REN: variants seen among roughly 807,000 people sequenced by gnomAD.
REN encodes angiotensin-forming enzyme.
REN carries 42 observed loss-of-function variants against 48.6 expected under a neutral mutation model. That is an observed-to-expected ratio of 0.86 (90% confidence interval 0.68 to 1.12). REN has a LOEUF of 1.12. Among genes scored for constraint, REN ranks in the 50% most tolerant of loss-of-function variants. The probability of loss-of-function intolerance (pLI) is 0.00; values close to 1 mark genes in which losing one functional copy is unlikely to be tolerated. For missense variants in REN, 443 were observed against 527.3 expected, an observed-to-expected ratio of 0.84 and a Z score of 1.57; for synonymous variants, 196 against 204.6, an observed-to-expected ratio of 0.96 and a Z score of 0.36.
At position 204,159,584 on chromosome 1, in the gene REN, G is replaced by T. The variant is rs564661194; in HGVS notation, c.504C>A (p.Ile168=). 2 of 1,614,170 alleles carry T rather than the reference G, an allele frequency of 1.2e-6. No homozygotes were observed. The highest frequency in any genetic ancestry group is 2.2e-5 in the East Asian group (1 of 44,874). ...LSQDIITVGG[I]TVTQMFGEVT... ...CCTCTCCAAACATCTGTGTCACCGT[G>T]ATTCCACCCACCTGTGGGAGGAAGG... The change falls in exon 5 of 10, where the codon ATC becomes ATA. Residue 168 remains isoleucine, a synonymous_variant. Coordinates refer to ENST00000272190, the MANE Select transcript of REN (RefSeq NM_000537.4).
chr1:204,164,565 CTTTTTTT>C (rs748060874), intron 1 of REN, among the ~76,000 whole-genome samples: 23 of 93,694 alleles, frequency 2.5e-4, no homozygotes, highest in East Asian at 1.1e-3. Context: ...CTTCTTCAGT[CTTTTTTT>C]TTTTTTTTTT....
At position 204,161,400 on chromosome 1, in the gene REN, C is replaced by T. The variant is rs201438857; in HGVS notation, c.265G>A (p.Glu89Lys). 20 of 1,588,658 alleles carry T rather than the reference C, an allele frequency of 1.3e-5. No homozygotes were observed. Among genetic ancestry groups the T allele is most frequent in the Middle Eastern group, 3.3e-4 (2 of 5,990 alleles). ...TNYMDTQYYGEIGIGTPPQTF... is the reference protein window; with the variant it reads ...TNYMDTQYYGKIGIGTPPQTF... ...TGGGGTGGGGTGCCGATGCCAATCT[C>T]GCCATAGTACTGGGTCTGTGGGGGT... The change falls in exon 3 of 10, where the codon GAG becomes AAG. Residue 89 changes from glutamate (E) to lysine (K), a missense_variant. By Grantham distance (56) the Glu-to-Lys change is moderately conservative. Coordinates refer to ENST00000272190, the MANE Select transcript of REN (RefSeq NM_000537.4).
intron 2 of REN, 31 bp downstream of exon 2, chr1:204,161,982 G>A (rs144900453): frequency 3.1e-6 from 5 of 1,612,856 alleles, no homozygotes; most frequent in Admixed American, 3.3e-5. Context: ...AGGAGACAGG[G>A]AGGGAGCGAG....
chr1:204,160,124 C>T (rs1658216762), intron 4 of REN, among the ~76,000 whole-genome samples: 1 of 152,186 alleles, frequency 6.6e-6, no homozygotes, highest in Admixed American at 6.5e-5. Flanking sequence ...ACATGGGCCA[C>T]ATGGAAAAGA....
At chr1:204,162,302 T>A (rs1437396673) in intron 1 of REN, 139 bp from the exon 2 acceptor site, 1 of 872,988 alleles carries the variant, frequency 1.1e-6, no homozygotes, top group Non-Finnish European at 1.8e-6. Context: ...CCTCTGTCGC[T>A]GAGGGCCTCT....
Position 204,155,182 on chromosome 1 carries a change from C to A in REN, c.1060-5G>T. On this transcript the variant is annotated splice_polypyrimidine_tract_variant and splice_region_variant and intron_variant, in intron 9 of 9. Transcript: ENST00000272190. ...CTTTTTACTACTGTAGGATTCCTGG[C>A]AGGAAGGGGGAGAGTTTCTCCATAC... 6.2e-7 allele frequency: 1 copy of A among 1,614,022 alleles called. No homozygotes were observed. The highest frequency in any genetic ancestry group is 1.3e-5 in the African/African-American group (1 of 75,040).
chr1:204,161,110 G>A (rs1156507650), intron 3 of REN, among the ~76,000 whole-genome samples, 182 bp downstream of exon 3: 2 of 151,986 alleles, frequency 1.3e-5, no homozygotes, highest in Admixed American at 1.3e-4. Context: ...TTTAACCTTG[G>A]TGGCTGTATC....
intron 1 of REN, among the ~76,000 whole-genome samples, chr1:204,165,731 A>G (rs1380835622): frequency 6.6e-6 from 1 of 152,048 alleles, no homozygotes; most frequent in Non-Finnish European, 1.5e-5. Context: ...GCTGGGGATT[A>G]CAAGTGCCTG....
intron 1 of REN, among the ~76,000 whole-genome samples, chr1:204,162,993 AC>A (rs1658276600): frequency 6.6e-6 from 1 of 152,362 alleles, no homozygotes; most frequent in East Asian, 1.9e-4. Flanking sequence ...GCTCACAGGG[AC>A]AAAGGTGACT....
intron 3 of REN, among the ~76,000 whole-genome samples, chr1:204,161,013 G>T (rs891948002): frequency 6.6e-6 from 1 of 152,218 alleles, no homozygotes; most frequent in Non-Finnish European, 1.5e-5. Context: ...GCCTGGGATG[G>T]GTTTGAGAAT....
Position 204,162,176 on chromosome 1 carries a change from G to A in REN, c.99-13C>T, listed in dbSNP as rs773456942. 4.0e-5 allele frequency: 65 copies of A among 1,613,806 alleles called. No individual in the cohort carries two copies. Among genetic ancestry groups the A allele is most frequent in the Non-Finnish European group, 5.3e-5 (63 of 1,179,954 alleles). On this transcript the variant is annotated splice_polypyrimidine_tract_variant and intron_variant, in intron 1 of 9. Coordinates refer to ENST00000272190, the MANE Select transcript of REN (RefSeq NM_000537.4). ...CTTGAGGAAGATCCTGGCCCAGGGTGGAGGAAGCAAAAATAGAAAAGTGCT... is the reference window on the plus strand; with the variant it reads ...CTTGAGGAAGATCCTGGCCCAGGGTAGAGGAAGCAAAAATAGAAAAGTGCT...
chr1:204,159,570 ATC>A lies in REN; in HGVS notation c.516_517del (p.Gln172HisfsTer19), dbSNP rs768486255. The A allele has an allele frequency of 8.1e-6, 13 of 1,614,026 alleles. No homozygotes were observed. Among genetic ancestry groups the A allele is most frequent in the African/African-American group, 1.3e-5 (1 of 74,900 alleles). On this transcript the variant is annotated frameshift_variant, in exon 5 of 10. Coordinates refer to ENST00000272190, the MANE Select transcript of REN (RefSeq NM_000537.4). LOFTEE classifies it high-confidence loss of function. ...GGGCATCTCCGTGACCTCTCCAAAC[ATC>A]TGTGTCACCGTGATTCCACCCACCT... is the stretch of plus-strand genomic sequence containing the variant.
rs28580264 is a variant in REN at position 204,159,190 on chromosome 1, A to G, written c.689+209T>C. On this transcript the variant is annotated intron_variant, in intron 5 of 9. Transcript: ENST00000272190. ...CGTGTGGCTAGTACAACTAAGAGCC[A>G]CCAGTTGAATGCTTAATTGATGCTT... 8 of 646,394 alleles carry G rather than the reference A, an allele frequency of 1.2e-5. No homozygotes were observed. In the African/African-American group the frequency reaches 1.4e-4, roughly 12 times the overall value. The allele number at this position is 646,394 out of a possible 1,614,324, so 40.0% of individuals were successfully genotyped here.
chr1:204,160,310 C>T (rs1658219518), intron 4 of REN, among the ~76,000 whole-genome samples: 1 of 152,232 alleles, frequency 6.6e-6, no homozygotes, highest in South Asian at 2.1e-4. Context: ...CAGGACAAGC[C>T]CTACATGCAA....
At position 204,156,868 on chromosome 1, in the gene REN, G is replaced by T; in HGVS notation, c.699-72C>A. 3.1e-6 allele frequency: 5 copies of T among 1,595,572 alleles called. No homozygotes were observed. In the South Asian group the frequency reaches 5.5e-5, roughly 18 times the overall value. Reference sequence around the variant, plus strand: ...CCAGCAACTCAGGCAATTGGGGAAGGTTGCACAAGGGTGCAGGGGAGGACA... The same window carrying T: ...CCAGCAACTCAGGCAATTGGGGAAGTTTGCACAAGGGTGCAGGGGAGGACA... On this transcript the variant is annotated intron_variant, in intron 6 of 9. Coordinates refer to ENST00000272190, the MANE Select transcript of REN (RefSeq NM_000537.4). This position sits in a 1 kb window ranked among gnomAD's most constrained non-coding sequence, Gnocchi z 4.2.
In REN at chr1:204,156,269, A is replaced by C; in HGVS notation, c.869T>G (p.Leu290Trp). Residue 290 changes from leucine to tryptophan, a missense_variant, in exon 8 of 10, where the codon TTG becomes TGG. By Grantham distance (61) the Leu-to-Trp change is moderately conservative (BLOSUM62 -2). Coordinates refer to ENST00000272190, the MANE Select transcript of REN (RefSeq NM_000537.4). This position sits in a 1 kb window ranked among gnomAD's most constrained non-coding sequence, Gnocchi z 4.2. ...TLLCEDGCLA[L>W]VDTGASYISG... Reference sequence around the variant, plus strand: ...GATGTAGGATGCACCGGTGTCTACCAATGCCAGGCAGCCGTCTTCACAGAG... The same window carrying C: ...GATGTAGGATGCACCGGTGTCTACCCATGCCAGGCAGCCGTCTTCACAGAG... The C allele has an allele frequency of 1.2e-6, 2 of 1,614,204 alleles. No homozygotes were observed. Among genetic ancestry groups the C allele is most frequent in the Admixed American group, 3.3e-5 (2 of 60,022 alleles).
chr1:204,163,062 TC>T (rs1412451672), intron 1 of REN, among the ~76,000 whole-genome samples: 3 of 152,188 alleles, frequency 2.0e-5, no homozygotes, highest in South Asian at 2.1e-4. Context: ...CCATATAGGG[TC>T]CCCTGGGTCC....
intron 1 of REN, 114 bp downstream of exon 1, chr1:204,166,082 C>T (rs1658343705): frequency 1.0e-5 from 9 of 858,708 alleles, no homozygotes; most frequent in South Asian, 9.7e-5. Flanking sequence ...TCCATACTTC[C>T]CTGTCCAGCT....
chr1:204,156,032 G>T lies in REN; in HGVS notation c.961-114C>A, dbSNP rs973387808. On this transcript the variant is annotated intron_variant, in intron 8 of 9. Coordinates refer to ENST00000272190, the MANE Select transcript of REN (RefSeq NM_000537.4). This position sits in a 1 kb window ranked among gnomAD's most constrained non-coding sequence, Gnocchi z 4.2. Reference sequence around the variant, plus strand: ...TGGAGAGGGCTGGGGACAGTGCCCCGCCCCATGGGTGACCAGCCACATGTG... The same window carrying T: ...TGGAGAGGGCTGGGGACAGTGCCCCTCCCCATGGGTGACCAGCCACATGTG... 2.8e-6 allele frequency: 4 copies of T among 1,447,188 alleles called. No individual in the cohort carries two copies. Among genetic ancestry groups the T allele is most frequent in the African/African-American group, 2.8e-5 (2 of 71,646 alleles). The allele number at this position is 1,447,188 out of a possible 1,614,324, so 89.6% of individuals were successfully genotyped here.
Sources: allele counts gnomAD v4.1 joint callset (sites outside exome capture counted in the v4.1 genomes callset), GRCh38; gene constraint gnomAD v4.1.1; non-coding constraint Gnocchi (gnomAD v3.1); transcripts MANE v1.5; gene names NCBI Gene and HGNC (gene_info 2026-07-23, HGNC 2026-07-21).